Variants in MFRP observed in about 807,000 individuals in gnomAD.
The protein encoded by MFRP is membrane frizzled-related protein.
Under a neutral mutation model 65.8 loss-of-function variants are expected in MFRP, and 74 were observed. The observed-to-expected ratio is 1.12, with a 90% CI of 0.93 to 1.36. The LOEUF (loss-of-function observed/expected upper bound fraction) is 1.36. Among genes scored for constraint, MFRP ranks in the 40% most tolerant of loss-of-function variants. The pLI, the probability that MFRP is intolerant of heterozygous loss-of-function variation, is 0.00. For missense variants in MFRP, 838 were observed against 736.0 expected (o/e 1.14, Z -1.60); for synonymous variants, 336 against 288.3 (o/e 1.17, Z -1.68).
chr11:119,343,759 C>T (rs767092949), intron 9 of MFRP, 57 bp downstream of exon 9: 320 of 1,607,580 alleles, frequency 2.0e-4, no homozygotes, highest in East Asian at 5.8e-4. Context: ...ACATGGAAGC[C>T]GGGGGTGGCA....
intron 7 of MFRP, 117 bp from the exon 8 acceptor site, chr11:119,344,508 C>A: frequency 6.3e-7 from 1 of 1,583,162 alleles, no homozygotes; most frequent in Non-Finnish European, 8.6e-7. Flanking sequence ...AAGTTCTGGG[C>A]CAAAGAATGA....
In MFRP at chr11:119,339,436, C is replaced by A; in HGVS notation, c.*1523G>T. 6.2e-7 allele frequency: 1 copy of A among 1,614,056 alleles called. No individual in the cohort carries two copies. Among genetic ancestry groups the A allele is most frequent in the South Asian group, 1.1e-5 (1 of 91,080 alleles). ...AGATGCCAATGTAGTCACCCACACC[C>A]ACCTGCACCCACACTTGGTCCTCAG... On this transcript the variant is annotated 3_prime_UTR_variant, in exon 15 of 15. Transcript: ENST00000619721. This position sits in a 1 kb window ranked among gnomAD's most constrained non-coding sequence, Gnocchi z 5.4.
intron 5 of MFRP, 67 bp downstream of exon 5, chr11:119,345,353 C>T: frequency 6.6e-7 from 1 of 1,520,174 alleles, no homozygotes; most frequent in Non-Finnish European, 9.1e-7. Context: ...CCCTGCCACT[C>T]CCTGATTCTG....
intron 5 of MFRP, 37 bp downstream of exon 5, chr11:119,345,383 G>T: frequency 6.3e-7 from 1 of 1,599,242 alleles, no homozygotes; most frequent in Non-Finnish European, 8.6e-7. Flanking sequence ...TAGTGGTTCA[G>T]GACACGGTGG....
Position 119,339,139 on chromosome 11 carries a change from C to T in MFRP, c.*1820G>A, listed in dbSNP as rs1044817417. Reference sequence around the variant, plus strand: ...TCTTGGGCAGAAATCCAGCCACTGCCCCATGCTGCCAGACCTGATCGCAGA... The same window carrying T: ...TCTTGGGCAGAAATCCAGCCACTGCTCCATGCTGCCAGACCTGATCGCAGA... On this transcript the variant is annotated 3_prime_UTR_variant, in exon 15 of 15. Transcript: ENST00000619721. The surrounding 1 kb of genome is among the most constrained non-coding windows in gnomAD (Gnocchi z 5.4). 9 of 642,600 alleles carry T rather than the reference C, an allele frequency of 1.4e-5. No homozygotes were observed. Among genetic ancestry groups the T allele is most frequent in the Non-Finnish European group, 2.4e-5 (9 of 380,090 alleles). 39.8% of individuals were successfully genotyped at this position (642,600 alleles called of 1,614,324 possible).
intron 11 of MFRP, 43 bp downstream of exon 11, chr11:119,342,553 G>C (rs1950512661): frequency 4.3e-6 from 7 of 1,609,370 alleles, no homozygotes; most frequent in African/African-American, 1.3e-5. Context: ...TCTGTGAGGT[G>C]GGCACCCAGC....
chr11:119,345,738 GC>G (rs1285577018), intron 4 of MFRP, 34 bp downstream of exon 4: 1 of 1,613,238 alleles, frequency 6.2e-7, no homozygotes, highest in Non-Finnish European at 8.5e-7. Context: ...GTCATCTTGG[GC>G]CCTTCTCCCG....
At chr11:119,340,017 C>T (rs1950484487) in intron 14 of MFRP, among the ~76,000 whole-genome samples, 167 bp downstream of exon 14, 1 of 152,188 alleles carries the variant, frequency 6.6e-6, no homozygotes, top group African/African-American at 2.4e-5. Flanking sequence ...ATCTGGGGGG[C>T]TGGCCAAGGG....
Position 119,341,386 on chromosome 11 carries a change from G to A in MFRP, c.*162C>T, listed in dbSNP as rs1950500857. ...CAGGAAGGAGCAGGGAGGGTGGTAGGGTCCCATGAGCCCCAGCTGAGGACT... is the reference window on the plus strand; with the variant it reads ...CAGGAAGGAGCAGGGAGGGTGGTAGAGTCCCATGAGCCCCAGCTGAGGACT... On this transcript the variant is annotated 3_prime_UTR_variant, in exon 13 of 15. Transcript: ENST00000619721. 4 of 631,308 alleles carry A rather than the reference G, an allele frequency of 6.3e-6. No individual in the cohort carries two copies. Among genetic ancestry groups the A allele is most frequent in the Non-Finnish European group, 1.1e-5 (4 of 363,728 alleles). 39.1% of individuals were successfully genotyped at this position (631,308 alleles called of 1,614,324 possible).
rs758115105 is a variant in MFRP, at chr11:119,344,285, C to T, written c.975+30G>A. On this transcript the variant is annotated intron_variant, in intron 8 of 14. Coordinates refer to ENST00000619721, the MANE Select transcript of MFRP (RefSeq NM_031433.4). The stretch of plus-strand genomic sequence containing the variant: ...GGATCAGGTGCTTCCGTGTGTGCCC[C>T]TCCCGTTCTGCATGGAGCACTGTGC... 1.1e-5 allele frequency: 18 copies of T among 1,606,118 alleles called. No homozygotes were observed. The South Asian group carries it at 1.9e-4, about 17-fold the overall frequency.
In MFRP at chr11:119,339,921, C is replaced by T; in HGVS notation, c.*1111-73G>A. ...CGCAGCGGGGCGGCGACTCTAAGGTCACCGTACCCCTCCCCGCCCCTGCCT... is the reference window on the plus strand; with the variant it reads ...CGCAGCGGGGCGGCGACTCTAAGGTTACCGTACCCCTCCCCGCCCCTGCCT... On this transcript the variant is annotated intron_variant, in intron 14 of 14. Coordinates refer to ENST00000619721, the MANE Select transcript of MFRP (RefSeq NM_031433.4). This position sits in a 1 kb window ranked among gnomAD's most constrained non-coding sequence, Gnocchi z 5.4. The T allele has an allele frequency of 7.1e-7, 1 of 1,413,952 alleles. No individual in the cohort carries two copies. The highest frequency in any genetic ancestry group is 9.2e-7 in the Non-Finnish European group (1 of 1,088,536). The allele number at this position is 1,413,952 out of a possible 1,614,324, so 87.6% of individuals were successfully genotyped here.
In MFRP at chr11:119,344,557, T is replaced by C. The variant is rs1950538939; in HGVS notation, c.898+75A>G. 4.3e-6 allele frequency: 7 copies of C among 1,611,442 alleles called. No homozygotes were observed. The East Asian group carries it at 1.6e-4, about 36-fold the overall frequency. Reference sequence around the variant, plus strand: ...GCTGACGGAGGGCCCGGTTTGAGGCTGGACCAGAGCTGGGGAGCCCAGCTT... The same window carrying C: ...GCTGACGGAGGGCCCGGTTTGAGGCCGGACCAGAGCTGGGGAGCCCAGCTT... On this transcript the variant is annotated intron_variant, in intron 7 of 14. Coordinates refer to ENST00000619721, the MANE Select transcript of MFRP (RefSeq NM_031433.4).
rs1305441996 is a variant in MFRP at position 119,340,425 on chromosome 11, G to A, written c.*869C>T. Reference sequence around the variant, plus strand: ...CGCTGGCACCGGGAGCCCGGACGCCGGGGTCCTCTCGCAGTCTGTGGACCA... The same window carrying A: ...CGCTGGCACCGGGAGCCCGGACGCCAGGGTCCTCTCGCAGTCTGTGGACCA... On this transcript the variant is annotated 3_prime_UTR_variant, in exon 14 of 15. Transcript: ENST00000619721. The A allele has an allele frequency of 6.5e-7, 1 of 1,538,782 alleles. No individual in the cohort carries two copies. The highest frequency in any genetic ancestry group is 2.5e-5 in the East Asian group (1 of 40,652).
At position 119,340,386 on chromosome 11, in the gene MFRP, G is replaced by T; in HGVS notation, c.*908C>A. ...CCAGGCCCAGGAGCAGCAGGACGAG[G>T]AGTGGCCTCATAGCGCTGGCACCGG... is the stretch of plus-strand genomic sequence containing the variant. On this transcript the variant is annotated 3_prime_UTR_variant, in exon 14 of 15. Transcript: ENST00000619721. 2 of 1,545,522 alleles carry T rather than the reference G, an allele frequency of 1.3e-6. No homozygotes were observed. The highest frequency in any genetic ancestry group is 8.7e-7 in the Non-Finnish European group (1 of 1,146,172).
At position 119,340,851 on chromosome 11, in the gene MFRP, T is replaced by G. The variant is rs1324658745; in HGVS notation, c.*697A>C. On this transcript the variant is annotated 3_prime_UTR_variant, in exon 13 of 15. Coordinates refer to ENST00000619721, the MANE Select transcript of MFRP (RefSeq NM_031433.4). Reference sequence around the variant, plus strand: ...TCGCTCCCTGCCGGCTCCGCTTTCCTCCTCCCAGACTCCAAGAGGAAACCA... The same window carrying G: ...TCGCTCCCTGCCGGCTCCGCTTTCCGCCTCCCAGACTCCAAGAGGAAACCA... The G allele has an allele frequency of 5.4e-6, 1 of 186,702 alleles. No homozygotes were observed. Among genetic ancestry groups the G allele is most frequent in the Admixed American group, 6.1e-5 (1 of 16,292 alleles). The allele number at this position is 186,702 out of a possible 1,614,324, so 11.6% of individuals were successfully genotyped here.
chr11:119,339,774 C>G lies in MFRP; in HGVS notation c.*1185G>C. On this transcript the variant is annotated 3_prime_UTR_variant, in exon 15 of 15. Transcript: ENST00000619721. This position sits in a 1 kb window ranked among gnomAD's most constrained non-coding sequence, Gnocchi z 5.4. Reference sequence around the variant, plus strand: ...GCGGATCGCGGAGGCACCGAGCACTCCCCGGCAGGCCCGGTGGGCCCCGCG... The same window carrying G: ...GCGGATCGCGGAGGCACCGAGCACTGCCCGGCAGGCCCGGTGGGCCCCGCG... The G allele has an allele frequency of 6.5e-7, 1 of 1,548,610 alleles. No homozygotes were observed. Among genetic ancestry groups the G allele is most frequent in the South Asian group, 1.2e-5 (1 of 84,910 alleles).
Position 119,340,054 on chromosome 11 carries a change from C to T in MFRP, c.*1110+130G>A, listed in dbSNP as rs1031026887. 30 of 1,288,588 alleles carry T rather than the reference C, an allele frequency of 2.3e-5. No homozygotes were observed. In the African/African-American group the frequency reaches 4.0e-4, roughly 17 times the overall value. The allele number at this position is 1,288,588 out of a possible 1,614,324, so 79.8% of individuals were successfully genotyped here. A position where few individuals can be genotyped will look rare whatever the true frequency, so the allele number is the denominator to read the frequency against. ...GCTCCCGCCGCCTGGGCCCCTCCCC[C>T]GCTCAGGGCTGCAAAGCGCGGGGAG... is the stretch of plus-strand genomic sequence containing the variant. On this transcript the variant is annotated intron_variant, in intron 14 of 14. Transcript: ENST00000619721.
At chr11:119,340,510 G>C in intron 13 of MFRP, 70 bp from the exon 14 acceptor site, 2 of 1,196,526 alleles carry the variant, frequency 1.7e-6, no homozygotes, top group Middle Eastern at 2.7e-4. Flanking sequence ...ACCCCGGCGC[G>C]GCCCAGTCGG....
At chr11:119,346,243 TC>T in intron 2 of MFRP, 28 bp downstream of exon 2, 3 of 1,582,234 alleles carry the variant, frequency 1.9e-6, no homozygotes, top group Non-Finnish European at 2.6e-6. Flanking sequence ...CTCTCTGTCC[TC>T]CCCCAGGTCA....
Sources: gnomAD v4.1 joint callset for allele counts (sites outside exome capture counted in the v4.1 genomes callset) on GRCh38, gnomAD v4.1.1 for gene constraint, Gnocchi (gnomAD v3.1) non-coding constraint, MANE v1.5 for transcripts, NCBI Gene and HGNC (gene_info 2026-07-23, HGNC 2026-07-21) for gene names.